ITPK1: variants seen among roughly 807,000 people sequenced by gnomAD.
The protein encoded by ITPK1 is inositol-tetrakisphosphate 1-kinase.
ITPK1 carries 21 observed loss-of-function variants against 45.3 expected under a neutral mutation model. The ratio of observed to expected loss-of-function variants is 0.46; its 90% CI spans 0.33 to 0.67. The LOEUF is 0.67. ITPK1 is among the 30% of genes least tolerant of loss of function. ITPK1 has a pLI of 0.02. For synonymous variants in ITPK1, 258 were observed against 253.6 expected (o/e 1.02, Z -0.16); for missense variants, 474 against 573.5 (o/e 0.83, Z 1.77).
At chr14:93,073,269 G>C (rs745483701) in intron 3 of ITPK1, among the ~76,000 whole-genome samples, 1 of 152,198 alleles carries the variant, frequency 6.6e-6, no homozygotes, top group African/African-American at 2.4e-5. Context: ...GCGGCCCTGC[G>C]CCTCACAGAG....
intron 2 of ITPK1, among the ~76,000 whole-genome samples, chr14:93,082,746 A>C (rs1420915325): frequency 6.6e-6 from 1 of 152,160 alleles, no homozygotes; most frequent in African/African-American, 2.4e-5. Context: ...CTGGTCCTTT[A>C]CCGGACGGGT....
chr14:93,003,077 C>T lies in ITPK1; in HGVS notation c.247-9080G>A, dbSNP rs142996276. Among the ~76,000 whole-genome samples, 28 of 152,294 alleles carry T rather than the reference C, an allele frequency of 1.8e-4. No individual in the cohort carries two copies. The East Asian group carries it at 4.2e-3, about 23-fold the overall frequency. Reference sequence around the variant, plus strand: ...CGCAGGGGGAAGAGCGTGTCAGGGCCAGCACTGCACTTATGCACAGGAGGG... The same window carrying T: ...CGCAGGGGGAAGAGCGTGTCAGGGCTAGCACTGCACTTATGCACAGGAGGG... On this transcript the variant is annotated intron_variant, in intron 4 of 10. Coordinates refer to ENST00000267615, the MANE Select transcript of ITPK1 (RefSeq NM_014216.6).
At position 92,958,938 on chromosome 14, in the gene ITPK1, G is replaced by A. The variant is rs1487973666; in HGVS notation, c.505-572C>T. On this transcript the variant is annotated intron_variant, in intron 7 of 10. Transcript: ENST00000267615. This position sits in a 1 kb window ranked among gnomAD's most constrained non-coding sequence, Gnocchi z 4.4. Reference sequence around the variant, plus strand: ...GAGCATACAACCTTTCACAGATGAGGACGATGAGGCGCTGAGAGGTTCAGT... The same window carrying A: ...GAGCATACAACCTTTCACAGATGAGAACGATGAGGCGCTGAGAGGTTCAGT... Among the ~76,000 whole-genome samples, 2 of 152,214 alleles carry A rather than the reference G, an allele frequency of 1.3e-5. No individual in the cohort carries two copies. The highest frequency in any genetic ancestry group is 1.3e-4 in the Admixed American group (2 of 15,288).
At chr14:93,097,727 G>A (rs774739792) in intron 2 of ITPK1, among the ~76,000 whole-genome samples, 10 of 152,222 alleles carry the variant, frequency 6.6e-5, no homozygotes, top group Non-Finnish European at 1.3e-4. Flanking sequence ...GGGAAAAATC[G>A]GCCAGGCACA....
intron 3 of ITPK1, among the ~76,000 whole-genome samples, chr14:93,059,460 G>A (rs2139948094): frequency 9.7e-6 from 1 of 102,762 alleles, no homozygotes; most frequent in African/African-American, 4.1e-5. Context: ...AGGGAGTGCA[G>A]GTCACGAGGC....
chr14:93,056,405 C>A (rs922537514), intron 3 of ITPK1, among the ~76,000 whole-genome samples: 1 of 152,218 alleles, frequency 6.6e-6, no homozygotes. Context: ...ACTGACTCAG[C>A]AGGTCTGGGG....
At chr14:93,103,114 A>AAAAG (rs1231428910) in intron 2 of ITPK1, among the ~76,000 whole-genome samples, 34 of 143,406 alleles carry the variant, frequency 2.4e-4, no homozygotes, top group African/African-American at 5.4e-4. Context: ...AAAAAAAAAA[A>AAAAG]AAAGAAAGAA....
At chr14:93,060,046 A>G (rs1890450750) in intron 3 of ITPK1, among the ~76,000 whole-genome samples, 4 of 151,220 alleles carry the variant, frequency 2.6e-5, no homozygotes, top group Admixed American at 2.0e-4. Flanking sequence ...GGTCACTGGC[A>G]GGAGACCAGA....
chr14:92,961,404 C>A (rs1159902501), intron 7 of ITPK1, among the ~76,000 whole-genome samples: 4 of 152,232 alleles, frequency 2.6e-5, no homozygotes, highest in Non-Finnish European at 5.9e-5. Flanking sequence ...CTCCTGGTCT[C>A]CATGGTCCTC....
intron 8 of ITPK1, among the ~76,000 whole-genome samples, chr14:92,952,486 G>A (rs978295187): frequency 9.2e-5 from 14 of 151,830 alleles, no homozygotes; most frequent in African/African-American, 2.7e-4. Flanking sequence ...GGCTGGCACC[G>A]GCACGTGAGC....
intron 3 of ITPK1, among the ~76,000 whole-genome samples, chr14:93,064,225 G>A (rs1245214608): frequency 6.6e-6 from 1 of 152,222 alleles, no homozygotes; most frequent in African/African-American, 2.4e-5. Context: ...AGAGCTTGCA[G>A]TGAGCCGAGG....
chr14:92,975,256 G>C (rs566079592), intron 5 of ITPK1, among the ~76,000 whole-genome samples: 2 of 152,226 alleles, frequency 1.3e-5, no homozygotes, highest in African/African-American at 2.4e-5. Context: ...AGCCTTGCTC[G>C]GTTTCTCAAT....
At chr14:93,083,040 G>C (rs1566776251) in intron 2 of ITPK1, among the ~76,000 whole-genome samples, 1 of 152,204 alleles carries the variant, frequency 6.6e-6, no homozygotes, top group Non-Finnish European at 1.5e-5. Context: ...TGAAGATGAT[G>C]AAAATTACTC....
At chr14:93,101,474 C>A (rs1182722681) in intron 2 of ITPK1, among the ~76,000 whole-genome samples, 1 of 152,218 alleles carries the variant, frequency 6.6e-6, no homozygotes, top group African/African-American at 2.4e-5. Flanking sequence ...CCCTCCTATG[C>A]ATGAGCACAA....
intron 8 of ITPK1, among the ~76,000 whole-genome samples, chr14:92,953,338 CG>C (rs1888048944): frequency 6.6e-6 from 1 of 152,208 alleles, no homozygotes; most frequent in South Asian, 2.1e-4. Context: ...CCAGTCCAGA[CG>C]GGGGCCATGA....
At chr14:93,094,609 A>C (rs1440624679) in intron 2 of ITPK1, among the ~76,000 whole-genome samples, 1 of 151,098 alleles carries the variant, frequency 6.6e-6, no homozygotes, top group Non-Finnish European at 1.5e-5. Context: ...ACACTCAATG[A>C]CCTCCCAGGG....
At chr14:92,965,842 A>G (rs1042319222) in intron 5 of ITPK1, among the ~76,000 whole-genome samples, 1 of 152,146 alleles carries the variant, frequency 6.6e-6, no homozygotes, top group African/African-American at 2.4e-5. Flanking sequence ...CGTCTCTACT[A>G]AAAATACAAA....
At chr14:93,102,891 G>A (rs975010016) in intron 2 of ITPK1, among the ~76,000 whole-genome samples, 1 of 151,970 alleles carries the variant, frequency 6.6e-6, no homozygotes, top group African/African-American at 2.4e-5. Context: ...ACGAGGTCAG[G>A]AGATCGAGAC....
At chr14:93,047,515 C>T (rs930442305) in intron 3 of ITPK1, among the ~76,000 whole-genome samples, 1 of 152,174 alleles carries the variant, frequency 6.6e-6, no homozygotes, top group African/African-American at 2.4e-5. Context: ...ACACAGACAC[C>T]CAGGCAGGAC....
Sources: allele counts gnomAD v4.1 joint callset (sites outside exome capture counted in the v4.1 genomes callset), GRCh38; gene constraint gnomAD v4.1.1; non-coding constraint Gnocchi (gnomAD v3.1); transcripts MANE v1.5; gene names NCBI Gene and HGNC (gene_info 2026-07-23, HGNC 2026-07-21).